The following LDLRAD2 variants were observed in gnomAD, a reference collection of about 807,000 sequenced individuals.
LDLRAD2 encodes the protein low-density lipoprotein receptor class A domain-containing protein 2.
Under a neutral mutation model 24.9 loss-of-function variants are expected in LDLRAD2, and 25 were observed. The observed-to-expected ratio is 1.00, with a 90% CI of 0.73 to 1.40. LDLRAD2 has a LOEUF of 1.40. Among genes scored for constraint, LDLRAD2 ranks in the 40% most tolerant of loss-of-function variants. LDLRAD2 has a pLI of 0.00. For synonymous variants in LDLRAD2, 182 were observed against 166.7 expected, an observed-to-expected ratio of 1.09 and a Z score of -0.71; for missense variants, 391 against 366.2, an observed-to-expected ratio of 1.07 and a Z score of -0.55.
intron 3 of LDLRAD2, among the ~76,000 whole-genome samples, chr1:21,819,333 G>T (rs1472000840): frequency 6.6e-6 from 1 of 151,718 alleles, no homozygotes; most frequent in Non-Finnish European, 1.5e-5. Context: ...AGATCGCACG[G>T]TTGCACTCCA....
Position 21,821,534 on chromosome 1 carries a change from C to T in LDLRAD2, c.728C>T (p.Ala243Val), listed in dbSNP as rs1458628296. The change falls in exon 4 of 5, where the codon GCA (alanine) becomes GTA (valine). Residue 243 changes from alanine to valine, a missense_variant. Coordinates refer to ENST00000344642, the MANE Select transcript of LDLRAD2 (RefSeq NM_001013693.3). ...SLTPSPALGS[A>V]GSLWIAAERS... ...ACTCCCTCCCCAGCTCTCGGGTCTG[C>T]AGGATCCCTCTGGATTGCAGCTGAG... The T allele has an allele frequency of 1.2e-6, 2 of 1,614,162 alleles. No homozygotes were observed. Among genetic ancestry groups the T allele is most frequent in the Non-Finnish European group, 1.7e-6 (2 of 1,180,030 alleles).
intron 4 of LDLRAD2, 59 bp from the exon 5 acceptor site, chr1:21,822,143 T>C: frequency 6.2e-7 from 1 of 1,613,760 alleles, no homozygotes; most frequent in Admixed American, 1.7e-5. Context: ...GCCTCGCTGA[T>C]CCCAAGCCAG....
At position 21,823,691 on chromosome 1, in the gene LDLRAD2, C is replaced by G. The variant is rs771101918; in HGVS notation, c.*1476C>G. On this transcript the variant is annotated 3_prime_UTR_variant, in exon 5 of 5. Coordinates refer to ENST00000344642, the MANE Select transcript of LDLRAD2 (RefSeq NM_001013693.3). ...CGGCCGCTGACCAGCTCCTCACCGTCGACTTGGATGGAACCTCTGCGGCCC... is the reference window on the plus strand; with the variant it reads ...CGGCCGCTGACCAGCTCCTCACCGTGGACTTGGATGGAACCTCTGCGGCCC... 1.2e-6 allele frequency: 2 copies of G among 1,613,560 alleles called. No individual in the cohort carries two copies. Among genetic ancestry groups the G allele is most frequent in the Non-Finnish European group, 1.7e-6 (2 of 1,180,014 alleles).
Position 21,824,506 on chromosome 1 carries a change from C to T in LDLRAD2, c.*2291C>T, listed in dbSNP as rs1027104657. On this transcript the variant is annotated 3_prime_UTR_variant, in exon 5 of 5. Coordinates refer to ENST00000344642, the MANE Select transcript of LDLRAD2 (RefSeq NM_001013693.3). The surrounding 1 kb of genome is among the most constrained non-coding windows in gnomAD (Gnocchi z 5.9). The stretch of plus-strand genomic sequence containing the variant: ...GAAGCCAGCTTCCTGCCCCAGGAGC[C>T]CCAAGAGCCCAGCCGGATACCCACA... The T allele has an allele frequency of 3.1e-6, 5 of 1,611,384 alleles. No homozygotes were observed. The highest frequency in any genetic ancestry group is 4.2e-6 in the Non-Finnish European group (5 of 1,179,242).
intron 3 of LDLRAD2, among the ~76,000 whole-genome samples, chr1:21,819,651 A>C (rs1224404087): frequency 6.6e-6 from 1 of 150,774 alleles, no homozygotes; most frequent in East Asian, 2.0e-4. Flanking sequence ...GACAAGGAGG[A>C]TATGGAGTTA....
chr1:21,816,954 C>T (rs1183907420), intron 3 of LDLRAD2, among the ~76,000 whole-genome samples: 4 of 152,262 alleles, frequency 2.6e-5, no homozygotes, highest in South Asian at 2.1e-4. Context: ...AGCATCTCTG[C>T]GTGGATGTAT....
rs376236282 is a variant in LDLRAD2, at chr1:21,814,621, G to T, written c.309G>T (p.Pro103=). ...PPALNTSSPA[P]ADPCAPGSYL... ...CGCTCAACACCTCCTCCCCGGCCCC[G>T]GCCGACCCGTGCGCCCCCGGCTCCT... is the stretch of plus-strand genomic sequence containing the variant. Residue 103 remains proline, a synonymous_variant, in exon 2 of 5, where the codon CCG becomes CCT. Coordinates refer to ENST00000344642, the MANE Select transcript of LDLRAD2 (RefSeq NM_001013693.3). 4 of 1,608,384 alleles carry T rather than the reference G, an allele frequency of 2.5e-6. No homozygotes were observed. The highest frequency in any genetic ancestry group is 2.2e-5 in the East Asian group (1 of 44,636).
chr1:21,814,943 AC>A, intron 2 of LDLRAD2, 120 bp downstream of exon 2: 1 of 989,206 alleles, frequency 1.0e-6, no homozygotes, highest in Non-Finnish European at 1.4e-6. Context: ...TGCCCGAAGC[AC>A]AAGATGGCAG....
chr1:21,813,487 T>C lies in LDLRAD2; in HGVS notation c.86-911T>C, dbSNP rs116270537. Among the ~76,000 whole-genome samples, 811 of 152,268 alleles carry C rather than the reference T, an allele frequency of 5.3e-3. 12 individuals are homozygous for C. Among genetic ancestry groups the C allele is most frequent in the African/African-American group, 0.019 (778 of 41,552 alleles). On this transcript the variant is annotated intron_variant, in intron 1 of 4. Transcript: ENST00000344642. ...TCCTGGCTGGTCCTCAAGTACCCAC[T>C]GGTCCCTATCTTGCACCAGAAAACC...
chr1:21,824,521 G>A lies in LDLRAD2; in HGVS notation c.*2306G>A, dbSNP rs765553276. On this transcript the variant is annotated 3_prime_UTR_variant, in exon 5 of 5. Transcript: ENST00000344642. The surrounding 1 kb of genome is among the most constrained non-coding windows in gnomAD (Gnocchi z 5.9). ...CCCCAGGAGCCCCAAGAGCCCAGCCGGATACCCACACTCACCACACCCTGC... is the reference window on the plus strand; with the variant it reads ...CCCCAGGAGCCCCAAGAGCCCAGCCAGATACCCACACTCACCACACCCTGC... 46 of 1,612,478 alleles carry A rather than the reference G, an allele frequency of 2.9e-5. No individual in the cohort carries two copies. Among genetic ancestry groups the A allele is most frequent in the South Asian group, 5.5e-5 (5 of 91,050 alleles).
rs1338450691 is a variant in LDLRAD2 at position 21,824,882 on chromosome 1, G to A, written c.*2667G>A. On this transcript the variant is annotated 3_prime_UTR_variant, in exon 5 of 5. Coordinates refer to ENST00000344642, the MANE Select transcript of LDLRAD2 (RefSeq NM_001013693.3). This position sits in a 1 kb window ranked among gnomAD's most constrained non-coding sequence, Gnocchi z 5.9. Reference sequence around the variant, plus strand: ...CTCCACGCCAACATGCAGGACTAGGGGGCTCCGAGCCTGCAGTCCCTGGGG... The same window carrying A: ...CTCCACGCCAACATGCAGGACTAGGAGGCTCCGAGCCTGCAGTCCCTGGGG... The A allele has an allele frequency of 6.3e-6, 7 of 1,105,706 alleles. No homozygotes were observed. In the East Asian group the frequency reaches 1.8e-4, roughly 28 times the overall value. The allele number at this position is 1,105,706 out of a possible 1,614,324, so 68.5% of individuals were successfully genotyped here.
At chr1:21,813,970 C>G (rs914264094) in intron 1 of LDLRAD2, among the ~76,000 whole-genome samples, 2 of 151,420 alleles carry the variant, frequency 1.3e-5, no homozygotes, top group African/African-American at 4.9e-5. Flanking sequence ...CTCCAGAGTT[C>G]ACGCGATTCT....
chr1:21,823,015 TGG>T lies in LDLRAD2; in HGVS notation c.*802_*803del, dbSNP rs146396278. ...CAGCTCTATCTGGGGGCTCCATCGGTGGGTAGGGGGACAGTGGGGGCAGTTCT... is the reference window on the plus strand; with the variant it reads ...CAGCTCTATCTGGGGGCTCCATCGGTGTAGGGGGACAGTGGGGGCAGTTCT... On this transcript the variant is annotated 3_prime_UTR_variant, in exon 5 of 5. Transcript: ENST00000344642. 1 of 288,036 alleles carries T rather than the reference TGG, an allele frequency of 3.5e-6. No individual in the cohort carries two copies. The highest frequency in any genetic ancestry group is 6.1e-5 in the East Asian group (1 of 16,436). 17.8% of individuals were successfully genotyped at this position (288,036 alleles called of 1,614,324 possible). A position where few individuals can be genotyped will look rare whatever the true frequency, so the allele number is the denominator to read the frequency against.
chr1:21,823,452 C>T lies in LDLRAD2; in HGVS notation c.*1237C>T. ...ACAGCCTGTGATGCCTGAGGAGAAT[C>T]TGCCCCCGGTCAGCGTGGCCACGTC... On this transcript the variant is annotated 3_prime_UTR_variant, in exon 5 of 5. Coordinates refer to ENST00000344642, the MANE Select transcript of LDLRAD2 (RefSeq NM_001013693.3). 1.3e-6 allele frequency: 2 copies of T among 1,594,806 alleles called. No individual in the cohort carries two copies. The highest frequency in any genetic ancestry group is 1.7e-6 in the Non-Finnish European group (2 of 1,175,038).
Position 21,823,405 on chromosome 1 carries a change from A to C in LDLRAD2, c.*1190A>C. ...GGGGGCGGGGCGCCGGGTCGGGCCGAGTGCAGCACCAGGTTCTTGACACAG... is the reference window on the plus strand; with the variant it reads ...GGGGGCGGGGCGCCGGGTCGGGCCGCGTGCAGCACCAGGTTCTTGACACAG... On this transcript the variant is annotated 3_prime_UTR_variant, in exon 5 of 5. Transcript: ENST00000344642. 1 of 1,575,298 alleles carries C rather than the reference A, an allele frequency of 6.3e-7. No individual in the cohort carries two copies. The highest frequency in any genetic ancestry group is 8.6e-7 in the Non-Finnish European group (1 of 1,165,448).
In LDLRAD2 at chr1:21,813,210, G is replaced by A. The variant is rs547472014; in HGVS notation, c.85+674G>A. Among the ~76,000 whole-genome samples, 5 of 152,180 alleles carry A rather than the reference G, an allele frequency of 3.3e-5. No homozygotes were observed. The East Asian group carries it at 9.7e-4, about 29-fold the overall frequency. On this transcript the variant is annotated intron_variant, in intron 1 of 4. Coordinates refer to ENST00000344642, the MANE Select transcript of LDLRAD2 (RefSeq NM_001013693.3). Reference sequence around the variant, plus strand: ...CTTGGGAGGCTGAGGCAGGAGAATCGCTTGAACCAGGGAGTCGGAGGCTGC... The same window carrying A: ...CTTGGGAGGCTGAGGCAGGAGAATCACTTGAACCAGGGAGTCGGAGGCTGC...
At position 21,819,750 on chromosome 1, in the gene LDLRAD2, C is replaced by T. The variant is rs541411256; in HGVS notation, c.644-1700C>T. Among the ~76,000 whole-genome samples the T allele has an allele frequency of 6.9e-4, 105 of 151,918 alleles. 1 individual carries two copies. The highest frequency in any genetic ancestry group is 2.3e-3 in the African/African-American group (94 of 41,434). On this transcript the variant is annotated intron_variant, in intron 3 of 4. Coordinates refer to ENST00000344642, the MANE Select transcript of LDLRAD2 (RefSeq NM_001013693.3). ...CGGTGATGGCTGCACAATGTGAGTG[C>T]GTATTAGTCCATTCTCGCATTGCTA...
At chr1:21,819,767 G>A (rs1454187832) in intron 3 of LDLRAD2, among the ~76,000 whole-genome samples, 1 of 151,984 alleles carries the variant, frequency 6.6e-6, no homozygotes, top group Non-Finnish European at 1.5e-5. Flanking sequence ...GTCCATTCTC[G>A]CATTGCTATA....
rs893142449 is a variant in LDLRAD2, at chr1:21,824,247, C to T, written c.*2032C>T. 6.2e-6 allele frequency: 10 copies of T among 1,612,682 alleles called. No individual in the cohort carries two copies. The highest frequency in any genetic ancestry group is 1.7e-5 in the Admixed American group (1 of 59,958). ...CAAGAAGTATGAGCTGGGGCAGGAC[C>T]GGGGGGTGGGGTGCTGGGACCAGGG... On this transcript the variant is annotated 3_prime_UTR_variant, in exon 5 of 5. Coordinates refer to ENST00000344642, the MANE Select transcript of LDLRAD2 (RefSeq NM_001013693.3). The surrounding 1 kb of genome is among the most constrained non-coding windows in gnomAD (Gnocchi z 5.9).
Sources: allele counts gnomAD v4.1 joint callset (sites outside exome capture counted in the v4.1 genomes callset), GRCh38; gene constraint gnomAD v4.1.1; non-coding constraint Gnocchi (gnomAD v3.1); transcripts MANE v1.5; gene names NCBI Gene and HGNC (gene_info 2026-07-23, HGNC 2026-07-21).